DACH1: variants seen among roughly 807,000 people sequenced by gnomAD.
DACH1 encodes dachshund homolog 1.
In DACH1, 12 loss-of-function variants were observed where a neutral mutation model predicts 54.2. The observed-to-expected ratio is 0.22, with a 90% CI of 0.14 to 0.36. DACH1 has a LOEUF of 0.36. Ranked by LOEUF, DACH1 falls within the 10% of genes least tolerant of loss-of-function variation. The probability of loss-of-function intolerance (pLI) is 1.00; values close to 1 mark genes in which losing one functional copy is unlikely to be tolerated. For synonymous variants in DACH1, 386 were observed against 366.2 expected, an observed-to-expected ratio of 1.05 and a Z score of -0.62; for missense variants, 805 against 929.8, an observed-to-expected ratio of 0.87 and a Z score of 1.75.
At chr13:71,730,000 T>C (rs1469634870) in intron 1 of DACH1, among the ~76,000 whole-genome samples, 1 of 152,094 alleles carries the variant, frequency 6.6e-6, no homozygotes, top group Non-Finnish European at 1.5e-5. Flanking sequence ...ATATGTATCA[T>C]GTCTATAAAG....
Position 71,775,127 on chromosome 13 carries a change from C to CTTTTTTTTTT in DACH1, c.848+90785_848+90794dup, listed in dbSNP as rs767902341. On this transcript the variant is annotated intron_variant, in intron 1 of 10. Transcript: ENST00000613252. ...GAGCAAGACTCCATCTCAACACAAG[C>CTTTTTTTTTT]TTTTTTTTTTTTTTTTTTTTTTTTT... 1.7e-3 allele frequency among the ~76,000 whole-genome samples: 91 copies of CTTTTTTTTTT among 54,028 alleles called. 13 individuals carry two copies. The highest frequency in any genetic ancestry group is 2.5e-3 in the African/African-American group (33 of 12,954). 35.4% of individuals were successfully genotyped at this position (54,028 alleles called of 152,430 possible). A position where few individuals can be genotyped will look rare whatever the true frequency, so the allele number is the denominator to read the frequency against.
intron 1 of DACH1, among the ~76,000 whole-genome samples, chr13:71,865,521 G>C (rs955513893): frequency 1.3e-5 from 2 of 152,102 alleles, no homozygotes; most frequent in African/African-American, 4.8e-5. Flanking sequence ...CCAGGTCCTG[G>C]GGAGCGCACG....
chr13:71,618,321 T>C (rs1008719068), intron 3 of DACH1, among the ~76,000 whole-genome samples: 4 of 152,044 alleles, frequency 2.6e-5, no homozygotes, highest in African/African-American at 9.7e-5. Flanking sequence ...ACATCTTTCT[T>C]AGTTGATAGA....
chr13:71,769,277 C>G (rs117765127), intron 1 of DACH1, among the ~76,000 whole-genome samples: 193 of 151,648 alleles, frequency 1.3e-3, no homozygotes, highest in Admixed American at 2.1e-3. Flanking sequence ...ATTAAAGATT[C>G]CATATAAAAA....
At position 71,755,421 on chromosome 13, in the gene DACH1, G is replaced by A. The variant is rs118088793; in HGVS notation, c.849-73511C>T. ...TGACATCAGTGGGCCAGACGAAACT[G>A]GTGTTAATTTTATTGCTCTGACCAA... On this transcript the variant is annotated intron_variant, in intron 1 of 10. Transcript: ENST00000613252. Among the ~76,000 whole-genome samples, 100 of 152,196 alleles carry A rather than the reference G, an allele frequency of 6.6e-4. 1 individual carries two copies. The East Asian group carries it at 9.1e-3, about 14-fold the overall frequency.
chr13:71,792,367 CA>C (rs1221705586), intron 1 of DACH1, among the ~76,000 whole-genome samples: 11 of 141,798 alleles, frequency 7.8e-5, no homozygotes, highest in African/African-American at 1.3e-4. Flanking sequence ...CACACACACA[CA>C]CACCCCTGGA....
At chr13:71,815,346 G>C (rs1363950264) in intron 1 of DACH1, among the ~76,000 whole-genome samples, 1 of 151,888 alleles carries the variant, frequency 6.6e-6, no homozygotes, top group Admixed American at 6.6e-5. Flanking sequence ...GGGAGTAGCT[G>C]AGCGAGAGCC....
At chr13:71,697,031 A>T (rs908895421) in intron 1 of DACH1, among the ~76,000 whole-genome samples, 1 of 152,196 alleles carries the variant, frequency 6.6e-6, no homozygotes, top group African/African-American at 2.4e-5. Context: ...CGCAAAGTGC[A>T]CTGGGTCCAC....
At chr13:71,467,250 T>G (rs945169906) in intron 10 of DACH1, among the ~76,000 whole-genome samples, 1 of 150,008 alleles carries the variant, frequency 6.7e-6, no homozygotes, top group Non-Finnish European at 1.5e-5. Context: ...TTAAAATATA[T>G]TTTTAAAAGA....
intron 6 of DACH1, among the ~76,000 whole-genome samples, chr13:71,524,286 C>T (rs1257817865): frequency 6.6e-6 from 1 of 152,064 alleles, no homozygotes; most frequent in Non-Finnish European, 1.5e-5. Context: ...AGCATGATTG[C>T]TACATTATCA....
chr13:71,527,235 A>T (rs1306497048), intron 6 of DACH1, among the ~76,000 whole-genome samples: 4 of 151,958 alleles, frequency 2.6e-5, no homozygotes, highest in Admixed American at 1.3e-4. Context: ...TCTTGAATGC[A>T]TCACAACTAA....
chr13:71,728,201 A>T (rs566779363), intron 1 of DACH1, among the ~76,000 whole-genome samples: 2 of 152,054 alleles, frequency 1.3e-5, no homozygotes, highest in Non-Finnish European at 2.9e-5. Context: ...TATAAAAAGA[A>T]AGCATTTTAT....
intron 8 of DACH1, among the ~76,000 whole-genome samples, chr13:71,477,850 G>A (rs1593757063): frequency 6.6e-6 from 1 of 152,158 alleles, no homozygotes; most frequent in Admixed American, 6.6e-5. Flanking sequence ...ATTCATAATA[G>A]ATAAGTATTG....
intron 1 of DACH1, among the ~76,000 whole-genome samples, chr13:71,736,007 TA>T (rs776614787): frequency 6.6e-6 from 1 of 152,072 alleles, no homozygotes; most frequent in African/African-American, 2.4e-5. Flanking sequence ...TAAAATGCAT[TA>T]AAAATCTATC....
intron 1 of DACH1, among the ~76,000 whole-genome samples, chr13:71,821,125 A>C (rs1418633428): frequency 6.6e-6 from 1 of 152,210 alleles, no homozygotes; most frequent in East Asian, 1.9e-4. Flanking sequence ...ATCTGGAATG[A>C]TAGCCGCATT....
chr13:71,669,694 A>C (rs1442294794), intron 2 of DACH1, among the ~76,000 whole-genome samples: 2 of 152,156 alleles, frequency 1.3e-5, no homozygotes, highest in African/African-American at 4.8e-5. Flanking sequence ...AATAAGGCAG[A>C]ACTTATGATG....
chr13:71,617,674 T>C (rs1875884346), intron 3 of DACH1, among the ~76,000 whole-genome samples: 1 of 152,216 alleles, frequency 6.6e-6, no homozygotes, highest in Admixed American at 6.5e-5. Context: ...AACTACTCTA[T>C]GACCTCTTTC....
intron 6 of DACH1, among the ~76,000 whole-genome samples, chr13:71,540,156 A>G (rs1042844349): frequency 2.6e-5 from 4 of 151,972 alleles, no homozygotes; most frequent in African/African-American, 9.7e-5. Flanking sequence ...TTATGGCCCT[A>G]AAATGGATGC....
At chr13:71,522,081 T>C (rs1488057675) in intron 6 of DACH1, among the ~76,000 whole-genome samples, 2 of 152,152 alleles carry the variant, frequency 1.3e-5, no homozygotes, top group Non-Finnish European at 2.9e-5. Flanking sequence ...AGAATCTGGA[T>C]TGTTCTGAAT....
Sources: allele counts gnomAD v4.1 joint callset (sites outside exome capture counted in the v4.1 genomes callset), GRCh38; gene constraint gnomAD v4.1.1; transcripts MANE v1.5; gene names NCBI Gene and HGNC (gene_info 2026-07-23, HGNC 2026-07-21).